The following ALDH1A2 variants were observed in gnomAD, a reference collection of about 807,000 sequenced individuals.
ALDH1A2 encodes aldehyde dehydrogenase 1 family member A2, also known as retinal dehydrogenase 2.
In ALDH1A2, 27 loss-of-function variants were observed where a neutral mutation model predicts 60.3. The observed-to-expected ratio is 0.45, with a 90% CI of 0.33 to 0.62. The LOEUF (loss-of-function observed/expected upper bound fraction) is 0.62, where lower values mean the gene tolerates loss of function less well. ALDH1A2 is among the 20% of genes least tolerant of loss of function. ALDH1A2 has a pLI of 0.02. For missense variants in ALDH1A2, 581 were observed against 643.8 expected (o/e 0.90, Z 1.06); for synonymous variants, 289 against 232.4 (o/e 1.24, Z -2.21).
intron 7 of ALDH1A2, among the ~76,000 whole-genome samples, chr15:57,967,532 C>G (rs572235590): frequency 2.2e-4 from 34 of 152,100 alleles, no homozygotes; most frequent in Non-Finnish European, 4.3e-4. Context: ...AGAAAAACAC[C>G]GGGGAAACTC....
At chr15:58,027,080 G>C (rs112334105) in intron 1 of ALDH1A2, among the ~76,000 whole-genome samples, 1 of 152,166 alleles carries the variant, frequency 6.6e-6, no homozygotes, top group African/African-American at 2.4e-5. Flanking sequence ...TCCTCAAGTG[G>C]GTCCCTGACA....
intron 7 of ALDH1A2, chr15:57,991,443 A>G (rs1269397926): frequency 6.6e-6 from 1 of 152,240 alleles, no homozygotes; most frequent in Non-Finnish European, 1.5e-5. Context: ...TTATTAATAA[A>G]TCTTTTATTA....
chr15:58,026,516 T>A (rs1344134743), intron 1 of ALDH1A2, among the ~76,000 whole-genome samples: 1 of 152,136 alleles, frequency 6.6e-6, no homozygotes, highest in African/African-American at 2.4e-5. Context: ...CTGGGACTGG[T>A]TCGACAGTGG....
In ALDH1A2 at chr15:58,028,259, G is replaced by A. The variant is rs531074858; in HGVS notation, c.118-13978C>T. On this transcript the variant is annotated intron_variant, in intron 1 of 12. Transcript: ENST00000249750. The stretch of plus-strand genomic sequence containing the variant: ...GGGGCCAATATTCAACATTCTTAAA[G>A]AAAAGAATTTTCAACCCAGAATTTC... 2.0e-5 allele frequency among the ~76,000 whole-genome samples: 3 copies of A among 152,258 alleles called. No individual in the cohort carries two copies. In the South Asian group the frequency reaches 6.2e-4, roughly 32 times the overall value.
intron 1 of ALDH1A2, among the ~76,000 whole-genome samples, chr15:58,044,533 C>T (rs1404712189): frequency 1.3e-5 from 2 of 151,910 alleles, no homozygotes; most frequent in African/African-American, 2.4e-5. Flanking sequence ...TTTTCTTTCC[C>T]GAAAGCAAAA....
Position 57,996,434 on chromosome 15 carries a change from G to A in ALDH1A2, c.494-1295C>T, listed in dbSNP as rs1895065301. ...TTTATTCACATACAAGTATTTATAG[G>A]ATCCTTTTATCCTCTTTTTTTTTAT... On this transcript the variant is annotated intron_variant, in intron 4 of 12. Transcript: ENST00000249750. Among the ~76,000 whole-genome samples the A allele has an allele frequency of 2.0e-5, 3 of 149,902 alleles. No homozygotes were observed. The South Asian group carries it at 6.3e-4, about 32-fold the overall frequency.
intron 1 of ALDH1A2, among the ~76,000 whole-genome samples, chr15:58,051,307 T>C (rs1896773060): frequency 2.0e-5 from 3 of 152,152 alleles, no homozygotes. Context: ...CATTTTAAAA[T>C]CACATCTAAC....
In ALDH1A2 at chr15:57,962,186, A is replaced by T; in HGVS notation, c.1087-10T>A. 6.2e-7 allele frequency: 1 copy of T among 1,613,580 alleles called. No homozygotes were observed. Among genetic ancestry groups the T allele is most frequent in the Non-Finnish European group, 8.5e-7 (1 of 1,179,526 alleles). ...ACTGTTTCTTATCAATCTGTGGGAG[A>T]CAAGACTTAATGACTCCAAATATAA... is the stretch of plus-strand genomic sequence containing the variant. On this transcript the variant is annotated splice_polypyrimidine_tract_variant and intron_variant, in intron 9 of 12. Coordinates refer to ENST00000249750, the MANE Select transcript of ALDH1A2 (RefSeq NM_003888.4).
chr15:58,059,262 T>G (rs1257155272), intron 1 of ALDH1A2, among the ~76,000 whole-genome samples: 2 of 152,188 alleles, frequency 1.3e-5, no homozygotes, highest in Non-Finnish European at 2.9e-5. Context: ...TGAATTAGAT[T>G]TGCTGTTTGG....
chr15:58,042,027 T>C (rs1426126246), intron 1 of ALDH1A2, among the ~76,000 whole-genome samples: 2 of 151,954 alleles, frequency 1.3e-5, no homozygotes, highest in Non-Finnish European at 2.9e-5. Flanking sequence ...GAGGGACTAC[T>C]GTATTAGGAT....
intron 4 of ALDH1A2, among the ~76,000 whole-genome samples, chr15:57,998,745 CA>C (rs1306607396): frequency 6.6e-6 from 1 of 152,020 alleles, no homozygotes; most frequent in African/African-American, 2.4e-5. Flanking sequence ...ATAGCCAAGA[CA>C]ATCCTAAGCA....
At chr15:57,999,130 C>T (rs1208473206) in intron 4 of ALDH1A2, among the ~76,000 whole-genome samples, 5 of 152,116 alleles carry the variant, frequency 3.3e-5, no homozygotes, top group Non-Finnish European at 7.4e-5. Flanking sequence ...CCATTCAGGA[C>T]ATGGGCATAG....
chr15:57,955,052 A>C lies in ALDH1A2; in HGVS notation c.*145T>G, dbSNP rs1281231702. The stretch of plus-strand genomic sequence containing the variant: ...CCCAGCTGGTTTGCTTTAGTTGTGC[A>C]GTGACCTGCCTGGCCTACATGTTAT... On this transcript the variant is annotated 3_prime_UTR_variant, in exon 13 of 13. Coordinates refer to ENST00000249750, the MANE Select transcript of ALDH1A2 (RefSeq NM_003888.4). The C allele has an allele frequency of 1.1e-6, 1 of 914,418 alleles. No individual in the cohort carries two copies. Among genetic ancestry groups the C allele is most frequent in the Admixed American group, 1.7e-5 (1 of 57,410 alleles). The allele number at this position is 914,418 out of a possible 1,614,324, so 56.6% of individuals were successfully genotyped here. A position where few individuals can be genotyped will look rare whatever the true frequency, so the allele number is the denominator to read the frequency against.
At chr15:58,063,898 T>C (rs897530805) in intron 1 of ALDH1A2, among the ~76,000 whole-genome samples, 2 of 152,188 alleles carry the variant, frequency 1.3e-5, no homozygotes, top group Non-Finnish European at 2.9e-5. Context: ...AAATCAGTTG[T>C]CTTTCCTACT....
chr15:58,002,915 C>A (rs1009886256), intron 4 of ALDH1A2, among the ~76,000 whole-genome samples: 1 of 151,790 alleles, frequency 6.6e-6, no homozygotes, highest in Non-Finnish European at 1.5e-5. Flanking sequence ...AGACCTCACC[C>A]AACATTTTAT....
chr15:57,992,888 T>C, intron 6 of ALDH1A2, 57 bp downstream of exon 6: 1 of 1,613,744 alleles, frequency 6.2e-7, no homozygotes, highest in Non-Finnish European at 8.5e-7. Flanking sequence ...AGATATGCTC[T>C]AGTAGGCTCC....
At chr15:58,065,253 A>C in intron 1 of ALDH1A2, 1 of 454,232 alleles carries the variant, frequency 2.2e-6, no homozygotes, top group Non-Finnish European at 4.0e-6. Context: ...AGAATCGGAC[A>C]GAAACCAGCC....
intron 1 of ALDH1A2, among the ~76,000 whole-genome samples, chr15:58,015,265 A>C (rs965738486): frequency 2.6e-5 from 4 of 152,106 alleles, no homozygotes; most frequent in Non-Finnish European, 5.9e-5. Flanking sequence ...AAATAATCAG[A>C]GATGAGGCTT....
chr15:57,967,723 G>C (rs945296510), intron 7 of ALDH1A2, among the ~76,000 whole-genome samples: 6 of 152,194 alleles, frequency 3.9e-5, no homozygotes, highest in African/African-American at 1.4e-4. Flanking sequence ...CCAAGGTGTT[G>C]GAAAATGCTA....
Sources: gnomAD v4.1 joint callset for allele counts (sites outside exome capture counted in the v4.1 genomes callset) on GRCh38, gnomAD v4.1.1 for gene constraint, MANE v1.5 for transcripts, NCBI Gene and HGNC (gene_info 2026-07-23, HGNC 2026-07-21) for gene names.